Variants in HNF4G observed in about 807,000 individuals in gnomAD.
The protein encoded by HNF4G is hepatocyte nuclear factor 4-gamma.
HNF4G carries 21 observed loss-of-function variants against 50.9 expected under a neutral mutation model. The observed-to-expected ratio is 0.41, with a 90% CI of 0.29 to 0.59. The LOEUF (loss-of-function observed/expected upper bound fraction) is 0.59. Among genes scored for constraint, HNF4G ranks in the 20% least tolerant of loss-of-function variants. HNF4G has a pLI of 0.26. For synonymous variants in HNF4G, 198 were observed against 185.6 expected, an observed-to-expected ratio of 1.07 and a Z score of -0.54; for missense variants, 527 against 559.4, an observed-to-expected ratio of 0.94 and a Z score of 0.58.
intron 1 of HNF4G, among the ~76,000 whole-genome samples, chr8:75,427,329 G>A (rs1019292698): frequency 1.2e-4 from 18 of 152,178 alleles, no homozygotes; most frequent in African/African-American, 4.3e-4. Flanking sequence ...TGTAATCTCA[G>A]CACTTTGGAA....
At chr8:75,494,161 C>T (rs948605233) in intron 2 of HNF4G, among the ~76,000 whole-genome samples, 4 of 152,066 alleles carry the variant, frequency 2.6e-5, no homozygotes, top group African/African-American at 9.7e-5. Context: ...TCAAACCTTC[C>T]TGCAAAGAGA....
chr8:75,518,633 G>C (rs1233132796), intron 2 of HNF4G, among the ~76,000 whole-genome samples: 1 of 152,144 alleles, frequency 6.6e-6, no homozygotes, highest in Non-Finnish European at 1.5e-5. Context: ...CACACTCTGA[G>C]TCAATGGCCT....
intron 1 of HNF4G, among the ~76,000 whole-genome samples, chr8:75,463,353 C>T (rs1255423912): frequency 1.3e-5 from 2 of 152,116 alleles, no homozygotes; most frequent in African/African-American, 2.4e-5. Context: ...ATCCCATTCT[C>T]AGAGGGAACT....
At chr8:75,456,831 C>T (rs1178387840) in intron 1 of HNF4G, among the ~76,000 whole-genome samples, 1 of 151,984 alleles carries the variant, frequency 6.6e-6, no homozygotes, top group Non-Finnish European at 1.5e-5. Flanking sequence ...GCCTCAACTG[C>T]CTGGATTTAA....
In HNF4G at chr8:75,556,046, T is replaced by C; in HGVS notation, c.710T>C (p.Met237Thr). ...LLLGATKRSM[M>T]YKDILLLGNN... ...CTTGGAGCTACAAAGAGATCCATGA[T>C]GTATAAAGATATTTTGCTTTTGGGT... Residue 237 changes from methionine to threonine, a missense_variant, in exon 6 of 10, where the codon ATG becomes ACG. Physicochemically the swap from Met to Thr is moderately conservative, Grantham distance 81. This residue lies in a region of HNF4G where 308 missense variants were observed against 301.5 expected (regional missense o/e 1.02). Coordinates refer to ENST00000396423, the MANE Select transcript of HNF4G (RefSeq NM_004133.5). 1.9e-6 allele frequency: 3 copies of C among 1,572,586 alleles called. No homozygotes were observed. Among genetic ancestry groups the C allele is most frequent in the Non-Finnish European group, 2.6e-6 (3 of 1,161,810 alleles).
At chr8:75,538,973 C>T (rs1806539523), upstream of HNF4G, among the ~76,000 whole-genome samples, 1 of 152,138 alleles carries the variant, frequency 6.6e-6, no homozygotes, top group Non-Finnish European at 1.5e-5. Flanking sequence ...GTAAATGGGG[C>T]TGGAATTCTT....
At chr8:75,497,371 A>G (rs1181272558) in intron 2 of HNF4G, among the ~76,000 whole-genome samples, 4 of 152,168 alleles carry the variant, frequency 2.6e-5, no homozygotes, top group African/African-American at 9.7e-5. Context: ...TAATACACCT[A>G]ATAATGTATT....
At chr8:75,487,247 T>C (rs544295027) in intron 1 of HNF4G, among the ~76,000 whole-genome samples, 1 of 141,874 alleles carries the variant, frequency 7.0e-6, no homozygotes, top group African/African-American at 2.6e-5. Flanking sequence ...TCAGCGATTC[T>C]TATATTTTTT....
intron 1 of HNF4G, among the ~76,000 whole-genome samples, chr8:75,409,032 C>G (rs1299613173): frequency 6.6e-6 from 1 of 152,180 alleles, no homozygotes; most frequent in Non-Finnish European, 1.5e-5. Context: ...TCCCCACCTC[C>G]TCACCACCAC....
chr8:75,520,895 A>G (rs1806022895), intron 2 of HNF4G, among the ~76,000 whole-genome samples: 1 of 152,088 alleles, frequency 6.6e-6, no homozygotes, highest in African/African-American at 2.4e-5. Flanking sequence ...AGTAACCTAA[A>G]ATTAATCTTT....
chr8:75,408,491 C>T (rs1375888920), intron 1 of HNF4G, among the ~76,000 whole-genome samples: 1 of 152,126 alleles, frequency 6.6e-6, no homozygotes, highest in African/African-American at 2.4e-5. Flanking sequence ...AGCTTCCATC[C>T]ATCTCTCATG....
At chr8:75,490,535 G>C (rs1812602503) in intron 2 of HNF4G, among the ~76,000 whole-genome samples, 1 of 152,134 alleles carries the variant, frequency 6.6e-6, no homozygotes, top group Non-Finnish European at 1.5e-5. Context: ...TCTCAAATTA[G>C]AAAGTTTGAA....
chr8:75,466,882 C>T (rs934080484), intron 1 of HNF4G, among the ~76,000 whole-genome samples: 10 of 151,818 alleles, frequency 6.6e-5, no homozygotes, highest in African/African-American at 9.7e-5. Flanking sequence ...TGGGGTTTTG[C>T]CACGTGGCCC....
At chr8:75,505,213 A>G (rs1813044405) in intron 2 of HNF4G, among the ~76,000 whole-genome samples, 1 of 152,072 alleles carries the variant, frequency 6.6e-6, no homozygotes, top group African/African-American at 2.4e-5. Context: ...TCTAAACTCA[A>G]CTCTTCTGCT....
chr8:75,530,013 T>C lies in HNF4G; in HGVS notation c.-23-13798T>C, dbSNP rs1274655392. Among the ~76,000 whole-genome samples the C allele has an allele frequency of 2.0e-5, 3 of 152,144 alleles. No homozygotes were observed. The East Asian group carries it at 5.8e-4, about 29-fold the overall frequency. On this transcript the variant is annotated intron_variant, in intron 2 of 10. Transcript: ENST00000354370. ...CAGAACAGAGTGCGTGTGCAGAGGC[T>C]ACTGTTCCCTGCTCTAGATGTGAAC... is the stretch of plus-strand genomic sequence containing the variant.
At position 75,566,362 on chromosome 8, in the gene HNF4G, A is replaced by C. The variant is rs1807462121; in HGVS notation, c.*2266A>C. ...GCATGTGAATTTTGGAAAACACAAA[A>C]ATTCAGAACATAGCAAATACCTTTG... On this transcript the variant is annotated 3_prime_UTR_variant, in exon 10 of 10. Coordinates refer to ENST00000396423, the MANE Select transcript of HNF4G (RefSeq NM_004133.5). 1 of 152,316 alleles carries C rather than the reference A, an allele frequency of 6.6e-6. No individual in the cohort carries two copies. 9.4% of individuals were successfully genotyped at this position (152,316 alleles called of 1,614,324 possible). A position where few individuals can be genotyped will look rare whatever the true frequency, so the allele number is the denominator to read the frequency against.
At chr8:75,517,906 C>T (rs1805936074) in intron 2 of HNF4G, among the ~76,000 whole-genome samples, 1 of 152,116 alleles carries the variant, frequency 6.6e-6, no homozygotes, top group Non-Finnish European at 1.5e-5. Context: ...TCCTCCCAGG[C>T]ACCATACCTC....
At chr8:75,512,026 G>A (rs1225467992) in intron 2 of HNF4G, among the ~76,000 whole-genome samples, 2 of 152,186 alleles carry the variant, frequency 1.3e-5, no homozygotes, top group South Asian at 4.1e-4. Flanking sequence ...GAATACAATA[G>A]ATAATTATTT....
chr8:75,447,657 A>G, intron 1 of HNF4G, among the ~76,000 whole-genome samples: 1 of 152,210 alleles, frequency 6.6e-6, no homozygotes. Flanking sequence ...GAATACATTT[A>G]TACAGCCAAA....
Sources: allele counts gnomAD v4.1 joint callset (sites outside exome capture counted in the v4.1 genomes callset), GRCh38; gene constraint gnomAD v4.1.1; regional missense constraint gnomAD v4.1.1; transcripts MANE v1.5; gene names NCBI Gene and HGNC (gene_info 2026-07-23, HGNC 2026-07-21).